The following FASTKD2 variants were observed in gnomAD, a reference collection of about 807,000 sequenced individuals.
FASTKD2 encodes the protein FAST kinase domains 2, also known as FAST kinase domain-containing protein 2, mitochondrial.
A neutral mutation model predicts 63.6 loss-of-function variants in FASTKD2; 51 were observed. That is an observed-to-expected ratio of 0.80 (90% CI 0.64 to 1.01). The LOEUF (loss-of-function observed/expected upper bound fraction) is 1.01, where lower values mean the gene tolerates loss of function less well. Among genes scored for constraint, FASTKD2 ranks in the 50% least tolerant of loss-of-function variants. FASTKD2 has a pLI of 0.00. For missense variants in FASTKD2, 786 were observed against 831.1 expected, an observed-to-expected ratio of 0.95 and a Z score of 0.67; for synonymous variants, 284 against 293.4, an observed-to-expected ratio of 0.97 and a Z score of 0.33.
In FASTKD2 at chr2:206,793,239, AAAAAAAAAAAAAT is replaced by A. The variant is rs1690343182; in HGVS notation, c.*1439_*1451del. Among the ~76,000 whole-genome samples, 1 of 148,588 alleles carries A rather than the reference AAAAAAAAAAAAAT, an allele frequency of 6.7e-6. No homozygotes were observed. The highest frequency in any genetic ancestry group is 2.5e-5 in the African/African-American group (1 of 39,552). On this transcript the variant is annotated 3_prime_UTR_variant, in exon 12 of 12. Coordinates refer to ENST00000402774, the MANE Select transcript of FASTKD2 (RefSeq NM_001136193.2). ...CTGTCTCAAAAAAAAAAAAAAAAAAAAAAAAAAAAAAATACAAAAACTATAGCAATATGACAAC... is the reference window on the plus strand; with the variant it reads ...CTGTCTCAAAAAAAAAAAAAAAAAAAACAAAAACTATAGCAATATGACAAC...
chr2:206,788,781 GAATGTT>G, intron 9 of FASTKD2, 32 bp from the exon 10 acceptor site: 1 of 1,002,258 alleles, frequency 1.0e-6, no homozygotes, highest in Non-Finnish European at 1.6e-6. Context: ...TCACTTGGAG[GAATGTT>G]TGAAAAATTA....
At chr2:206,770,031 G>A in intron 2 of FASTKD2, 60 bp from the exon 3 acceptor site, 1 of 1,081,694 alleles carries the variant, frequency 9.2e-7, no homozygotes, top group Non-Finnish European at 1.4e-6. Flanking sequence ...GTTTTGCTTG[G>A]GTAAGATAGT....
chr2:206,765,900 T>C (rs1468888867), intron 1 of FASTKD2, 153 bp downstream of exon 1: 1 of 152,222 alleles, frequency 6.6e-6, no homozygotes, highest in African/African-American at 2.4e-5. Flanking sequence ...CGTTTTCTGC[T>C]TCTTCCACTG....
chr2:206,775,375 T>A (rs1321981588), intron 7 of FASTKD2, among the ~76,000 whole-genome samples: 1 of 151,968 alleles, frequency 6.6e-6, no homozygotes, highest in Non-Finnish European at 1.5e-5. Context: ...ATGGTTTTTA[T>A]CCTTTATTCT....
chr2:206,786,510 G>A (rs1047307536), intron 7 of FASTKD2: 6 of 514,868 alleles, frequency 1.2e-5, no homozygotes, highest in Non-Finnish European at 2.1e-5. Flanking sequence ...TTTTTAGTGT[G>A]AGTTAAATGA....
chr2:206,787,919 C>T lies in FASTKD2; in HGVS notation c.1595-18C>T, dbSNP rs759574760. 1.3e-5 allele frequency: 18 copies of T among 1,432,200 alleles called. No individual in the cohort carries two copies. The highest frequency in any genetic ancestry group is 1.6e-5 in the Non-Finnish European group (16 of 1,015,996). The allele number at this position is 1,432,200 out of a possible 1,614,324, so 88.7% of individuals were successfully genotyped here. The stretch of plus-strand genomic sequence containing the variant: ...ATTTATTTCTTCTTAATGATATACT[C>T]TCTTTTTCATCTTTTAGATGACATG... On this transcript the variant is annotated intron_variant, in intron 8 of 11. Transcript: ENST00000402774.
intron 7 of FASTKD2, among the ~76,000 whole-genome samples, chr2:206,776,405 G>T (rs1034204612): frequency 6.6e-6 from 1 of 151,420 alleles, no homozygotes; most frequent in Non-Finnish European, 1.5e-5. Context: ...TGCTTTTGTT[G>T]CCTGCACTTT....
At chr2:206,775,405 T>C (rs1377925789) in intron 7 of FASTKD2, among the ~76,000 whole-genome samples, 2 of 152,038 alleles carry the variant, frequency 1.3e-5, no homozygotes, top group South Asian at 2.1e-4. Context: ...ATGTATCATA[T>C]TGATTGATTT....
rs757399497 is a variant in FASTKD2, at chr2:206,791,711, A to G, written c.2042A>G (p.Glu681Gly). Reference protein sequence around the residue: ...LVNNWEMDKLEMEDAVTFLKT... With the variant: ...LVNNWEMDKLGMEDAVTFLKT... ...AATAACTGGGAGATGGACAAACTAG[A>G]GATGGAAGATGCAGTCACATTTTTG... is the stretch of plus-strand genomic sequence containing the variant. Residue 681 changes from glutamate to glycine, a missense_variant, in exon 12 of 12, where the codon GAG (glutamate) becomes GGG (glycine). Transcript: ENST00000402774. 8.1e-6 allele frequency: 13 copies of G among 1,612,192 alleles called. No individual in the cohort carries two copies. Among genetic ancestry groups the G allele is most frequent in the Non-Finnish European group, 1.1e-5 (13 of 1,178,456 alleles).
intron 7 of FASTKD2, among the ~76,000 whole-genome samples, chr2:206,775,082 C>A (rs1689787011): frequency 6.6e-6 from 1 of 151,924 alleles, no homozygotes; most frequent in African/African-American, 2.4e-5. Context: ...ATGAGATTTC[C>A]TTCTAAGGCT....
chr2:206,766,998 G>A lies in FASTKD2; in HGVS notation c.305G>A (p.Arg102Lys), dbSNP rs1336166707. The change falls in exon 2 of 12, where the codon AGA becomes AAA. Residue 102 changes from arginine (R) to lysine (K), a missense_variant. Transcript: ENST00000402774. Reference protein sequence around the residue: ...TKGISTLTALRIERLLYAKRL... With the variant: ...TKGISTLTALKIERLLYAKRL... The stretch of plus-strand genomic sequence containing the variant: ...GGCATAAGCACTCTAACAGCCCTTA[G>A]AATTGAAAGACTACTTTATGCTAAA... The A allele has an allele frequency of 1.2e-6, 2 of 1,613,252 alleles. No individual in the cohort carries two copies. The highest frequency in any genetic ancestry group is 2.7e-5 in the African/African-American group (2 of 74,906).
At chr2:206,789,931 TATAAC>T (rs1251609038) in intron 10 of FASTKD2, 1 of 152,278 alleles carries the variant, frequency 6.6e-6, no homozygotes, top group Non-Finnish European at 1.5e-5. Flanking sequence ...AAATTTGTCT[TATAAC>T]AGCCAGAGTA....
rs898028998 is a variant in FASTKD2 at position 206,766,812 on chromosome 2, C to T, written c.119C>T (p.Thr40Ile). 1 of 1,612,846 alleles carries T rather than the reference C, an allele frequency of 6.2e-7. No individual in the cohort carries two copies. Among genetic ancestry groups the T allele is most frequent in the African/African-American group, 1.3e-5 (1 of 74,970 alleles). Residue 40 changes from threonine (T) to isoleucine (I), a missense_variant, in exon 2 of 12, where the codon ACT (threonine) becomes ATT (isoleucine). Physicochemically the swap from Thr to Ile is moderately conservative, Grantham distance 89 (BLOSUM62 -1). Coordinates refer to ENST00000402774, the MANE Select transcript of FASTKD2 (RefSeq NM_001136193.2). ...AGTACATTAGTTTCAACAAGCAGAA[C>T]TATGAGGCTATGTTGTTTGGGACTT... ...QFSTLVSTSR[T>I]MRLCCLGLCK...
chr2:206,771,184 T>C lies in FASTKD2; in HGVS notation c.884T>C (p.Ile295Thr). 1 of 1,520,098 alleles carries C rather than the reference T, an allele frequency of 6.6e-7. No individual in the cohort carries two copies. The highest frequency in any genetic ancestry group is 1.7e-4 in the Middle Eastern group (1 of 5,876). The allele number at this position is 1,520,098 out of a possible 1,614,324, so 94.2% of individuals were successfully genotyped here. Reference sequence around the variant, plus strand: ...ATATTTATTGTGTTTGATAACAGAATACTAGTTGATCAGCAAGTTTGGAAA... The same window carrying C: ...ATATTTATTGTGTTTGATAACAGAACACTAGTTGATCAGCAAGTTTGGAAA... Reference protein sequence around the residue: ...NVHVLRTGFRILVDQQVWKIE... With the variant: ...NVHVLRTGFRTLVDQQVWKIE... The change falls in exon 4 of 12, where the codon ATA (isoleucine) becomes ACA (threonine). Residue 295 changes from isoleucine to threonine, a missense_variant and splice_region_variant. By Grantham distance (89) the Ile-to-Thr change is moderately conservative. Coordinates refer to ENST00000402774, the MANE Select transcript of FASTKD2 (RefSeq NM_001136193.2).
chr2:206,772,094 T>C (rs989236609), intron 5 of FASTKD2, 77 bp downstream of exon 5: 18 of 1,596,228 alleles, frequency 1.1e-5, no homozygotes, highest in Non-Finnish European at 1.5e-5. Flanking sequence ...TTTTAAAAAC[T>C]TTGCTTTTAT....
At chr2:206,791,565 C>G in intron 11 of FASTKD2, 118 bp from the exon 12 acceptor site, 1 of 879,656 alleles carries the variant, frequency 1.1e-6, no homozygotes, top group Non-Finnish European at 1.9e-6. Flanking sequence ...GTTATAAGGT[C>G]ACATTTGCTT....
chr2:206,774,278 A>C lies in FASTKD2; in HGVS notation c.1308A>C (p.Leu436Phe), dbSNP rs1325555008. 1 of 1,611,510 alleles carries C rather than the reference A, an allele frequency of 6.2e-7. No individual in the cohort carries two copies. Among genetic ancestry groups the C allele is most frequent in the South Asian group, 1.1e-5 (1 of 90,960 alleles). The part of the protein sequence containing the change: ...FENLGFRPVG[L>F]MDLFMKRIVE... ...ACCTTGGCTTTCGACCTGTTGGTTT[A>C]ATGGACCTGTTTATGAAGAGAATAG... is the stretch of plus-strand genomic sequence containing the variant. Residue 436 changes from leucine (L) to phenylalanine (F), a missense_variant, in exon 7 of 12, where the codon TTA (leucine) becomes TTC (phenylalanine). Leu to Phe is a conservative substitution (Grantham distance 22). Transcript: ENST00000402774.
rs1302049227 is a variant in FASTKD2, at chr2:206,793,136, C to T, written c.*1334C>T. 7.0e-6 allele frequency among the ~76,000 whole-genome samples: 1 copy of T among 141,884 alleles called. No homozygotes were observed. Among genetic ancestry groups the T allele is most frequent in the Non-Finnish European group, 1.5e-5 (1 of 66,422 alleles). 93.1% of individuals were successfully genotyped at this position (141,884 alleles called of 152,430 possible). ...ACTGGGGAGGCTGAGGCAGGGGAAT[C>T]GCTTGAACCCGGGAGGTGGAGATTG... On this transcript the variant is annotated 3_prime_UTR_variant, in exon 12 of 12. Coordinates refer to ENST00000402774, the MANE Select transcript of FASTKD2 (RefSeq NM_001136193.2).
At chr2:206,780,627 C>G (rs897841055) in intron 7 of FASTKD2, among the ~76,000 whole-genome samples, 14 of 152,062 alleles carry the variant, frequency 9.2e-5, no homozygotes, top group Non-Finnish European at 4.4e-5. Context: ...GTCCTTTGAG[C>G]TTTATGAATC....
Sources: allele counts gnomAD v4.1 joint callset (sites outside exome capture counted in the v4.1 genomes callset), GRCh38; gene constraint gnomAD v4.1.1; transcripts MANE v1.5; gene names NCBI Gene and HGNC (gene_info 2026-07-23, HGNC 2026-07-21).